The following SNTG1 variants were observed in gnomAD, a reference collection of about 807,000 sequenced individuals.
SNTG1 encodes the protein syntrophin gamma 1.
In SNTG1, 39 loss-of-function variants were observed where a neutral mutation model predicts 74.7. The observed-to-expected ratio is 0.52, with a 90% CI of 0.40 to 0.68. SNTG1 has a LOEUF of 0.68. Ranked by LOEUF, SNTG1 falls within the 30% of genes least tolerant of loss-of-function variation. SNTG1 has a pLI of 0.00. For missense variants in SNTG1, 685 were observed against 609.5 expected (o/e 1.12, Z -1.30); for synonymous variants, 254 against 217.1 (o/e 1.17, Z -1.49).
intron 2 of SNTG1, among the ~76,000 whole-genome samples, chr8:50,392,785 G>A (rs933942949): frequency 3.3e-5 from 5 of 152,100 alleles, no homozygotes; most frequent in African/African-American, 1.2e-4. Flanking sequence ...TATAGATATA[G>A]CACCTGCTCA....
chr8:50,503,557 A>G (rs2093981750), intron 9 of SNTG1, among the ~76,000 whole-genome samples: 1 of 152,166 alleles, frequency 6.6e-6, no homozygotes, highest in South Asian at 2.1e-4. Flanking sequence ...ATGACTACTC[A>G]CTTACACTCT....
chr8:50,581,904 TGTG>T (rs1439221669), intron 12 of SNTG1, among the ~76,000 whole-genome samples: 1 of 152,180 alleles, frequency 6.6e-6, no homozygotes, highest in Non-Finnish European at 1.5e-5. Flanking sequence ...CATAAGTATA[TGTG>T]CAAAATTTGC....
At chr8:50,092,251 G>T (rs1052678316) in intron 1 of SNTG1, among the ~76,000 whole-genome samples, 1 of 152,124 alleles carries the variant, frequency 6.6e-6, no homozygotes, top group East Asian at 1.9e-4. Context: ...AAAATACAAA[G>T]ACCTTAATTA....
At chr8:50,376,449 T>G (rs558396730) in intron 2 of SNTG1, among the ~76,000 whole-genome samples, 2 of 152,056 alleles carry the variant, frequency 1.3e-5, no homozygotes, top group South Asian at 4.2e-4. Flanking sequence ...CATCTGCCTA[T>G]TACCTCATCC....
intron 2 of SNTG1, among the ~76,000 whole-genome samples, chr8:50,270,457 A>T (rs917496899): frequency 1.3e-5 from 2 of 152,208 alleles, no homozygotes; most frequent in South Asian, 2.1e-4. Flanking sequence ...TCTTCAAAAA[A>T]GTTTATGAAT....
intron 2 of SNTG1, among the ~76,000 whole-genome samples, chr8:50,358,866 C>T (rs1370877346): frequency 6.6e-6 from 1 of 152,134 alleles, no homozygotes; most frequent in African/African-American, 2.4e-5. Flanking sequence ...CAATAAAACA[C>T]TTTCATACTT....
At chr8:50,418,631 A>T (rs1348466821) in intron 4 of SNTG1, among the ~76,000 whole-genome samples, 1 of 152,140 alleles carries the variant, frequency 6.6e-6, no homozygotes, top group Non-Finnish European at 1.5e-5. Context: ...CAATATCTGC[A>T]GTTGGAGGTC....
intron 15 of SNTG1, among the ~76,000 whole-genome samples, chr8:50,670,739 A>T (rs1191818861): frequency 2.9e-4 from 43 of 148,456 alleles, no homozygotes; most frequent in African/African-American, 8.6e-4. Context: ...CACCAAGTCA[A>T]TCCTAAGCCA....
chr8:50,446,234 A>T (rs1429374477), intron 5 of SNTG1, among the ~76,000 whole-genome samples: 1 of 152,224 alleles, frequency 6.6e-6, no homozygotes, highest in East Asian at 1.9e-4. Flanking sequence ...TGAGCTGCTC[A>T]CATTTTCTCC....
intron 1 of SNTG1, among the ~76,000 whole-genome samples, chr8:49,990,789 C>G (rs555081612): frequency 2.6e-5 from 4 of 152,134 alleles, no homozygotes; most frequent in Non-Finnish European, 5.9e-5. Flanking sequence ...ACAAACATAA[C>G]TCAAAATGGA....
chr8:50,698,337 C>A (rs1217923892), intron 15 of SNTG1, among the ~76,000 whole-genome samples: 1 of 152,144 alleles, frequency 6.6e-6, no homozygotes, highest in South Asian at 2.1e-4. Context: ...ACCACCTTCT[C>A]AACTTTGTCA....
intron 1 of SNTG1, among the ~76,000 whole-genome samples, chr8:50,007,910 C>T (rs929054847): frequency 1.3e-5 from 2 of 152,076 alleles, no homozygotes; most frequent in Non-Finnish European, 2.9e-5. Flanking sequence ...GAAGTAAGCA[C>T]CTACTTCACA....
intron 2 of SNTG1, among the ~76,000 whole-genome samples, chr8:50,225,809 A>C (rs1394989724): frequency 4.6e-5 from 7 of 152,228 alleles, no homozygotes; most frequent in Admixed American, 1.3e-4. Flanking sequence ...TTTAGATAAC[A>C]AAGTATTCTT....
intron 2 of SNTG1, among the ~76,000 whole-genome samples, chr8:50,375,315 G>A (rs567941674): frequency 6.6e-6 from 1 of 152,106 alleles, no homozygotes; most frequent in Non-Finnish European, 1.5e-5. Context: ...TGGTGTGCTG[G>A]GGCAATGGGA....
At chr8:50,730,496 A>T (rs772127791) in intron 17 of SNTG1, among the ~76,000 whole-genome samples, 2 of 152,186 alleles carry the variant, frequency 1.3e-5, no homozygotes, top group Admixed American at 1.3e-4. Flanking sequence ...CAAAAGCTTT[A>T]TGCATTAACG....
chr8:50,247,874 T>G (rs1362479153), intron 2 of SNTG1, among the ~76,000 whole-genome samples: 2 of 152,058 alleles, frequency 1.3e-5, no homozygotes, highest in Middle Eastern at 3.2e-3. Context: ...GAAGACCCTT[T>G]GTATTTATTG....
At chr8:50,601,497 A>G (rs371576941) in intron 13 of SNTG1, among the ~76,000 whole-genome samples, 1 of 152,082 alleles carries the variant, frequency 6.6e-6, no homozygotes, top group Non-Finnish European at 1.5e-5. Flanking sequence ...GCTTGAGATG[A>G]TTTTAATTTT....
chr8:50,619,513 C>T (rs1034657664), intron 13 of SNTG1, among the ~76,000 whole-genome samples: 12 of 152,204 alleles, frequency 7.9e-5, no homozygotes, highest in African/African-American at 2.2e-4. Flanking sequence ...GGGCAGATCA[C>T]GAGGTCAGGA....
chr8:50,629,384 C>A (rs1021477767), intron 13 of SNTG1, among the ~76,000 whole-genome samples: 1 of 151,928 alleles, frequency 6.6e-6, no homozygotes, highest in African/African-American at 2.4e-5. Flanking sequence ...ATGCTTGTTC[C>A]TTCAAATGAG....
Sources: gnomAD v4.1 joint callset for allele counts (sites outside exome capture counted in the v4.1 genomes callset) on GRCh38, gnomAD v4.1.1 for gene constraint, MANE v1.5 for transcripts, NCBI Gene and HGNC (gene_info 2026-07-23, HGNC 2026-07-21) for gene names.